Variants in ADGRB3 observed in about 807,000 individuals in gnomAD.
ADGRB3 encodes brain-specific angiogenesis inhibitor 3.
Under a neutral mutation model 193.4 loss-of-function variants are expected in ADGRB3, and 37 were observed. The observed-to-expected ratio is 0.19, with a 90% CI of 0.15 to 0.25. The LOEUF (loss-of-function observed/expected upper bound fraction) is 0.25, where lower values mean the gene tolerates loss of function less well. Among genes scored for constraint, ADGRB3 ranks in the 10% least tolerant of loss-of-function variants. The pLI is 1.00. For missense variants in ADGRB3, 1,637 were observed against 1,852.9 expected (o/e 0.88, Z 2.14); for synonymous variants, 690 against 644.2 (o/e 1.07, Z -1.08).
chr6:68,990,234 C>A (rs1402639652), intron 10 of ADGRB3, among the ~76,000 whole-genome samples: 3 of 152,122 alleles, frequency 2.0e-5, no homozygotes, highest in Non-Finnish European at 2.9e-5. Flanking sequence ...GAACTCTTCA[C>A]AGTATGCATG....
chr6:69,217,311 G>T (rs576949762), intron 17 of ADGRB3, among the ~76,000 whole-genome samples: 1 of 152,072 alleles, frequency 6.6e-6, no homozygotes, highest in South Asian at 2.1e-4. Flanking sequence ...CTGAAGGAAA[G>T]GTCTGAGATA....
intron 23 of ADGRB3, chr6:69,331,965 T>G: frequency 3.0e-6 from 3 of 985,354 alleles, no homozygotes; most frequent in African/African-American, 3.5e-5. Context: ...AGGTATGTTT[T>G]GCATCTTCCT....
At chr6:69,218,476 T>TTGTC (rs1170629448) in intron 17 of ADGRB3, among the ~76,000 whole-genome samples, 1 of 152,184 alleles carries the variant, frequency 6.6e-6, no homozygotes, top group African/African-American at 2.4e-5. Context: ...ATTTTCTATA[T>TTGTC]TGTCATGTAA....
Position 69,083,540 on chromosome 6 carries a change from A to G in ADGRB3, c.2480+7502A>G, listed in dbSNP as rs926192432. On this transcript the variant is annotated intron_variant, in intron 17 of 31. Transcript: ENST00000370598. ...GATGAGAAGGATATAAACATGATAGATATACAAATTATGTAATGTGTTAAA... is the reference window on the plus strand; with the variant it reads ...GATGAGAAGGATATAAACATGATAGGTATACAAATTATGTAATGTGTTAAA... Among the ~76,000 whole-genome samples the G allele has an allele frequency of 3.9e-5, 6 of 152,222 alleles. No individual in the cohort carries two copies. In the South Asian group the frequency reaches 1.2e-3, roughly 32 times the overall value.
intron 17 of ADGRB3, among the ~76,000 whole-genome samples, chr6:69,227,646 C>G (rs1766047817): frequency 6.6e-6 from 1 of 152,108 alleles, no homozygotes; most frequent in African/African-American, 2.4e-5. Flanking sequence ...CTCTAAGAAA[C>G]TAACTACATT....
At chr6:69,325,069 G>T in intron 21 of ADGRB3, 47 bp downstream of exon 21, 1 of 1,577,710 alleles carries the variant, frequency 6.3e-7, no homozygotes, top group South Asian at 1.2e-5. Context: ...AAATGACGTT[G>T]AACACACATT....
At position 68,754,310 on chromosome 6, in the gene ADGRB3, G is replaced by A. The variant is rs570859057; in HGVS notation, c.757+114878G>A. On this transcript the variant is annotated intron_variant, in intron 3 of 31. Coordinates refer to ENST00000370598, the MANE Select transcript of ADGRB3 (RefSeq NM_001704.3). ...ATGCCAGGCCTCTGGTCATAGCAGG[G>A]GAATTTTAGAAACCAAGAAATCAGA... 1.7e-4 allele frequency among the ~76,000 whole-genome samples: 26 copies of A among 152,228 alleles called. No individual in the cohort carries two copies. The South Asian group carries it at 5.0e-3, about 29-fold the overall frequency.
At chr6:69,022,742 A>C (rs1770309052) in intron 13 of ADGRB3, among the ~76,000 whole-genome samples, 1 of 152,040 alleles carries the variant, frequency 6.6e-6, no homozygotes, top group South Asian at 2.1e-4. Context: ...TTGCGGTAAT[A>C]GCATAAAACA....
At chr6:69,169,940 G>C (rs540904277) in intron 17 of ADGRB3, among the ~76,000 whole-genome samples, 14 of 152,224 alleles carry the variant, frequency 9.2e-5, no homozygotes, top group African/African-American at 3.4e-4. Context: ...GAGTCAGCTA[G>C]AAGGCTCTCT....
At chr6:69,308,107 G>A (rs1325303688) in intron 20 of ADGRB3, among the ~76,000 whole-genome samples, 1 of 151,392 alleles carries the variant, frequency 6.6e-6, no homozygotes. Flanking sequence ...TTCAATTTAA[G>A]CAGATCCACT....
At chr6:68,753,799 G>A (rs990150027) in intron 3 of ADGRB3, among the ~76,000 whole-genome samples, 1 of 152,156 alleles carries the variant, frequency 6.6e-6, no homozygotes, top group African/African-American at 2.4e-5. Flanking sequence ...GACGCTGGGT[G>A]TATTCGCAGG....
chr6:69,213,335 G>C (rs1765707650), intron 17 of ADGRB3, among the ~76,000 whole-genome samples: 1 of 152,094 alleles, frequency 6.6e-6, no homozygotes, highest in South Asian at 2.1e-4. Flanking sequence ...AAGATGCTTT[G>C]TTCCAAAAAT....
chr6:68,964,997 GCC>G (rs1768338249), intron 8 of ADGRB3, among the ~76,000 whole-genome samples: 1 of 152,102 alleles, frequency 6.6e-6, no homozygotes, highest in South Asian at 2.1e-4. Context: ...TAGCTTAGTG[GCC>G]TCAGGCTAAA....
At chr6:68,702,580 G>A (rs997507831) in intron 3 of ADGRB3, among the ~76,000 whole-genome samples, 2 of 152,090 alleles carry the variant, frequency 1.3e-5, no homozygotes, top group Admixed American at 6.6e-5. Flanking sequence ...GATCAGTTTC[G>A]CTGCTCTACA....
At chr6:68,884,367 A>G (rs1461561887) in intron 3 of ADGRB3, among the ~76,000 whole-genome samples, 6 of 152,206 alleles carry the variant, frequency 3.9e-5, no homozygotes, top group Admixed American at 3.9e-4. Context: ...CTGCAAAGAC[A>G]TCATGGAGGG....
intron 3 of ADGRB3, among the ~76,000 whole-genome samples, chr6:68,782,952 G>A (rs755861026): frequency 2.0e-4 from 31 of 151,824 alleles, no homozygotes; most frequent in Non-Finnish European, 4.0e-4. Context: ...TGAAATGAAC[G>A]TTAACTCCGC....
At chr6:69,386,417 C>T (rs542542948) in intron 31 of ADGRB3, among the ~76,000 whole-genome samples, 76 of 152,142 alleles carry the variant, frequency 5.0e-4, no homozygotes, top group Non-Finnish European at 7.4e-4. Flanking sequence ...ACACAACCCT[C>T]GTGTATGATA....
Position 69,238,360 on chromosome 6 carries a change from A to G in ADGRB3, c.2712-764A>G, listed in dbSNP as rs532821486. 4.6e-5 allele frequency among the ~76,000 whole-genome samples: 7 copies of G among 152,218 alleles called. No individual in the cohort carries two copies. The South Asian group carries it at 1.4e-3, about 32-fold the overall frequency. On this transcript the variant is annotated intron_variant, in intron 19 of 31. Coordinates refer to ENST00000370598, the MANE Select transcript of ADGRB3 (RefSeq NM_001704.3). ...TCTTTCAGGGTAAACAGCTGGTAGA[A>G]CATTTGATTCTGAGCAGTTTTCTCT...
At chr6:68,690,848 T>C (rs1301604047) in intron 3 of ADGRB3, among the ~76,000 whole-genome samples, 1 of 152,158 alleles carries the variant, frequency 6.6e-6, no homozygotes, top group African/African-American at 2.4e-5. Flanking sequence ...TATTATTTTA[T>C]GTTTATTTTC....
Sources: allele counts gnomAD v4.1 joint callset (sites outside exome capture counted in the v4.1 genomes callset), GRCh38; gene constraint gnomAD v4.1.1; transcripts MANE v1.5; gene names NCBI Gene and HGNC (gene_info 2026-07-23, HGNC 2026-07-21).